COL22A1: variants seen among roughly 807,000 people sequenced by gnomAD.
COL22A1 encodes the protein collagen alpha-1(XXII) chain.
Under a neutral mutation model 248.9 loss-of-function variants are expected in COL22A1, and 221 were observed. The ratio of observed to expected loss-of-function variants is 0.89; its 90% CI spans 0.80 to 0.99. The LOEUF is 0.99. Among genes scored for constraint, COL22A1 ranks in the 50% least tolerant of loss-of-function variants. The pLI is 0.00. For synonymous variants in COL22A1, 891 were observed against 793.4 expected (o/e 1.12, Z -2.07); for missense variants, 2,240 against 2,179.0 (o/e 1.03, Z -0.56).
At chr8:138,626,331 T>A (rs983326839) in intron 50 of COL22A1, 88 bp from the exon 51 acceptor site, 1 of 1,035,612 alleles carries the variant, frequency 9.7e-7, no homozygotes, top group Non-Finnish European at 1.5e-6. Flanking sequence ...CATTCATGGG[T>A]TGGGGGAGTG....
At chr8:138,781,105 T>C in intron 12 of COL22A1, 125 bp from the exon 13 acceptor site, 1 of 702,658 alleles carries the variant, frequency 1.4e-6, no homozygotes, top group South Asian at 1.7e-5. Context: ...TGCTCAAAAA[T>C]TGATCCACAA....
At chr8:138,801,451 A>C (rs1377190103) in intron 11 of COL22A1, among the ~76,000 whole-genome samples, 1 of 152,230 alleles carries the variant, frequency 6.6e-6, no homozygotes, top group Non-Finnish European at 1.5e-5. Context: ...TAATTCTTCT[A>C]GGGAAGAGGC....
intron 44 of COL22A1, among the ~76,000 whole-genome samples, chr8:138,657,964 T>G (rs1002375024): frequency 1.3e-5 from 2 of 152,132 alleles, no homozygotes; most frequent in Non-Finnish European, 2.9e-5. Flanking sequence ...TTTTACTGTT[T>G]TTTTCCCCTG....
rs115981734 is a variant in COL22A1 at position 138,689,146 on chromosome 8, C to T, written c.2809-176G>A. On this transcript the variant is annotated intron_variant, in intron 36 of 64. Transcript: ENST00000303045. ...AGCTCCACCTCCTCCCTGCCCATGA[C>T]TGCTGCTCTCCCGGGGGGGGGGCTG... Among the ~76,000 whole-genome samples the T allele has an allele frequency of 7.1e-3, 911 of 128,700 alleles. 9 individuals are homozygous for T. The highest frequency in any genetic ancestry group is 0.025 in the African/African-American group (834 of 33,164). 84.4% of individuals were successfully genotyped at this position (128,700 alleles called of 152,430 possible).
At chr8:138,651,433 C>T (rs551272004) in intron 45 of COL22A1, among the ~76,000 whole-genome samples, 14 of 152,290 alleles carry the variant, frequency 9.2e-5, no homozygotes, top group South Asian at 2.1e-4. Flanking sequence ...ACTGACTGAC[C>T]GATCAACCAA....
At chr8:138,819,695 TATGTTTATATA>T (rs1432145365) in intron 7 of COL22A1, among the ~76,000 whole-genome samples, 13 of 148,086 alleles carry the variant, frequency 8.8e-5, no homozygotes, top group South Asian at 4.2e-4. Flanking sequence ...AATGTATGTA[TATGTTTATATA>T]ATGTTTATAT....
chr8:138,738,042 TC>T (rs1831258980), intron 22 of COL22A1, among the ~76,000 whole-genome samples: 2 of 152,138 alleles, frequency 1.3e-5, no homozygotes, highest in African/African-American at 2.4e-5. Flanking sequence ...AGCTTGCCAT[TC>T]AACCTGTTAA....
chr8:138,755,319 C>T (rs1287509416), intron 20 of COL22A1, 109 bp from the exon 21 acceptor site: 12 of 1,327,962 alleles, frequency 9.0e-6, no homozygotes, highest in Admixed American at 1.7e-5. Flanking sequence ...TCCAAGTTCT[C>T]GATAGGGAGT....
chr8:138,820,322 G>C (rs1819002051), intron 7 of COL22A1, among the ~76,000 whole-genome samples: 1 of 152,162 alleles, frequency 6.6e-6, no homozygotes, highest in African/African-American at 2.4e-5. Flanking sequence ...GGGCATGGGA[G>C]CTAACGTTGA....
chr8:138,801,773 G>A (rs150041382), intron 11 of COL22A1, among the ~76,000 whole-genome samples: 28 of 152,182 alleles, frequency 1.8e-4, no homozygotes, highest in African/African-American at 5.5e-4. Flanking sequence ...CCAGCTATTC[G>A]GGAGACTGAG....
At chr8:138,765,305 G>T (rs970142918) in intron 16 of COL22A1, among the ~76,000 whole-genome samples, 4 of 152,272 alleles carry the variant, frequency 2.6e-5, no homozygotes, top group African/African-American at 7.2e-5. Context: ...AGTGGACAAG[G>T]GTCTTTGAGC....
chr8:138,907,757 C>T (rs373051406), intron 1 of COL22A1, among the ~76,000 whole-genome samples: 2 of 152,300 alleles, frequency 1.3e-5, no homozygotes, highest in Admixed American at 1.3e-4. Flanking sequence ...GAGGGTAACC[C>T]CACAGCAGAA....
intron 28 of COL22A1, 100 bp downstream of exon 28, chr8:138,716,725 G>T: frequency 2.2e-6 from 2 of 892,124 alleles, no homozygotes; most frequent in East Asian, 2.6e-5. Flanking sequence ...CCAAAAACCA[G>T]GATTAATTCC....
chr8:138,649,590 T>A, intron 46 of COL22A1, 75 bp downstream of exon 46: 2 of 1,549,598 alleles, frequency 1.3e-6, no homozygotes, highest in Non-Finnish European at 1.7e-6. Flanking sequence ...CAGAGGCAGA[T>A]GGGGCAATAC....
rs189523968 is a variant in COL22A1 at position 138,910,037 on chromosome 8, G to A, written c.-73+3582C>T. 2.4e-4 allele frequency among the ~76,000 whole-genome samples: 36 copies of A among 152,296 alleles called. No homozygotes were observed. The East Asian group carries it at 6.8e-3, about 29-fold the overall frequency. On this transcript the variant is annotated intron_variant, in intron 1 of 64. Coordinates refer to ENST00000303045, the MANE Select transcript of COL22A1 (RefSeq NM_152888.3). ...CTGGTTCACCTATCTTGGTCCATCCGCTTGCAGGAATGTGAAGAAGCAATA... is the reference window on the plus strand; with the variant it reads ...CTGGTTCACCTATCTTGGTCCATCCACTTGCAGGAATGTGAAGAAGCAATA...
intron 13 of COL22A1, among the ~76,000 whole-genome samples, chr8:138,779,954 G>A (rs115512846): frequency 6.6e-6 from 1 of 152,194 alleles, no homozygotes; most frequent in Admixed American, 6.5e-5. Context: ...TAGAGACAGA[G>A]TCTCGCTTTG....
chr8:138,694,420 G>T, intron 34 of COL22A1, 88 bp downstream of exon 34: 1 of 1,331,872 alleles, frequency 7.5e-7, no homozygotes, highest in Non-Finnish European at 1.1e-6. Flanking sequence ...TGCCAGGGGA[G>T]AGAACTGGGG....
At chr8:138,771,313 G>A (rs1437360235) in intron 16 of COL22A1, among the ~76,000 whole-genome samples, 4 of 152,192 alleles carry the variant, frequency 2.6e-5, no homozygotes, top group African/African-American at 9.7e-5. Context: ...CTGCCTTTCT[G>A]ACCTTCGGGC....
intron 39 of COL22A1, among the ~76,000 whole-genome samples, chr8:138,683,781 T>G (rs555213383): frequency 2.6e-4 from 39 of 152,302 alleles, no homozygotes; most frequent in Non-Finnish European, 5.3e-4. Context: ...GAACTTTTAC[T>G]GTGTTAAGCC....
Sources: allele counts gnomAD v4.1 joint callset (sites outside exome capture counted in the v4.1 genomes callset), GRCh38; gene constraint gnomAD v4.1.1; transcripts MANE v1.5; gene names NCBI Gene and HGNC (gene_info 2026-07-23, HGNC 2026-07-21).